Variants in TSHZ2 observed in about 807,000 individuals in gnomAD.
The protein encoded by TSHZ2 is teashirt homolog 2.
In TSHZ2, 21 loss-of-function variants were observed where a neutral mutation model predicts 74.4. The ratio of observed to expected loss-of-function variants is 0.28; its 90% CI spans 0.20 to 0.41. The LOEUF is 0.41. Ranked by LOEUF, TSHZ2 falls within the 10% of genes least tolerant of loss-of-function variation. The pLI is 1.00. For missense variants in TSHZ2, 1,244 were observed against 1,293.5 expected (o/e 0.96, Z 0.59); for synonymous variants, 540 against 515.3 (o/e 1.05, Z -0.65).
intron 1 of TSHZ2, among the ~76,000 whole-genome samples, chr20:53,075,631 C>G (rs1985342440): frequency 6.6e-6 from 1 of 152,146 alleles, no homozygotes; most frequent in African/African-American, 2.4e-5. Context: ...GGCAGCAGGA[C>G]AGGTGAGAAC....
chr20:53,351,600 C>A (rs888455463), intron 2 of TSHZ2, among the ~76,000 whole-genome samples: 1 of 152,122 alleles, frequency 6.6e-6, no homozygotes, highest in African/African-American at 2.4e-5. Flanking sequence ...TAAAAATGGC[C>A]TCTGAGATTC....
intron 1 of TSHZ2, among the ~76,000 whole-genome samples, chr20:53,067,926 C>T (rs914872561): frequency 3.3e-5 from 5 of 152,170 alleles, no homozygotes; most frequent in African/African-American, 1.2e-4. Context: ...GAGGACCCTT[C>T]CTTGCCTCTT....
intron 1 of TSHZ2, among the ~76,000 whole-genome samples, chr20:53,107,756 A>G (rs1986420618): frequency 6.6e-6 from 1 of 152,190 alleles, no homozygotes; most frequent in Non-Finnish European, 1.5e-5. Flanking sequence ...TTCCATGTGC[A>G]GAAGTATTAA....
chr20:53,030,409 A>G (rs1315984498), intron 1 of TSHZ2, among the ~76,000 whole-genome samples: 1 of 151,926 alleles, frequency 6.6e-6, no homozygotes, highest in African/African-American at 2.4e-5. Flanking sequence ...TCACAGTTTC[A>G]TCTTTCAAAA....
intron 2 of TSHZ2, among the ~76,000 whole-genome samples, chr20:53,465,288 T>A (rs903430200): frequency 1.7e-4 from 26 of 151,940 alleles, no homozygotes; most frequent in Non-Finnish European, 2.2e-4. Context: ...TGTGTGTGTG[T>A]GAGACAGAGT....
chr20:53,324,628 A>C (rs1050801668), intron 2 of TSHZ2, among the ~76,000 whole-genome samples: 6 of 152,120 alleles, frequency 3.9e-5, no homozygotes, highest in Non-Finnish European at 2.9e-5. Context: ...CACCCACCTC[A>C]GCCTCCCAAA....
In TSHZ2 at chr20:52,973,077, C is replaced by G. The variant is rs1019471405; in HGVS notation, c.-217C>G. The stretch of plus-strand genomic sequence containing the variant: ...GAACCAACCTCTACTTCAAAGCAGC[C>G]GGCACAAGCCACCCGTGTCTGCCAC... On this transcript the variant is annotated 5_prime_UTR_variant, in exon 1 of 3. Transcript: ENST00000371497. 3.8e-4 allele frequency: 199 copies of G among 520,488 alleles called. No individual in the cohort carries two copies. Among genetic ancestry groups the G allele is most frequent in the Non-Finnish European group, 8.5e-5 (25 of 293,802 alleles). 32.2% of individuals were successfully genotyped at this position (520,488 alleles called of 1,614,324 possible).
intron 1 of TSHZ2, among the ~76,000 whole-genome samples, chr20:53,048,706 G>C (rs566153160): frequency 6.6e-6 from 1 of 152,124 alleles, no homozygotes; most frequent in Non-Finnish European, 1.5e-5. Context: ...AGGCTCTTTG[G>C]AAACAGTCAG....
chr20:53,234,252 C>T (rs913648512), intron 1 of TSHZ2, among the ~76,000 whole-genome samples: 1 of 152,136 alleles, frequency 6.6e-6, no homozygotes, highest in African/African-American at 2.4e-5. Context: ...ACAGCCAACC[C>T]AGAAAAATTC....
intron 2 of TSHZ2, among the ~76,000 whole-genome samples, chr20:53,460,859 CG>C (rs1462848693): frequency 6.6e-6 from 1 of 152,196 alleles, no homozygotes; most frequent in East Asian, 1.9e-4. Context: ...TTAGGCTGCT[CG>C]GGGGTCAGGG....
At chr20:53,038,865 TTTTTGTTTGTTTGTTTTG>T (rs1487614374) in intron 1 of TSHZ2, among the ~76,000 whole-genome samples, 1 of 134,380 alleles carries the variant, frequency 7.4e-6, no homozygotes, top group Admixed American at 7.4e-5. Flanking sequence ...TCTTGTTTTT[TTTTTGTTTGTTTGTTTTG>T]TTTTGTTTGT....
intron 2 of TSHZ2, among the ~76,000 whole-genome samples, chr20:53,310,916 A>C (rs1248278821): frequency 6.6e-6 from 1 of 152,186 alleles, no homozygotes; most frequent in Non-Finnish European, 1.5e-5. Flanking sequence ...CACAAGAAAA[A>C]CATGCACATC....
intron 2 of TSHZ2, among the ~76,000 whole-genome samples, chr20:53,479,715 A>C (rs961331377): frequency 6.6e-6 from 1 of 152,230 alleles, no homozygotes; most frequent in Non-Finnish European, 1.5e-5. Flanking sequence ...ACCAAAGACA[A>C]TTTTGTCCTC....
chr20:53,461,303 C>G (rs886324328), intron 2 of TSHZ2, among the ~76,000 whole-genome samples: 3 of 152,246 alleles, frequency 2.0e-5, no homozygotes, highest in Non-Finnish European at 4.4e-5. Context: ...GACCCGATTT[C>G]CAGGTGCGTC....
chr20:53,009,012 T>G (rs1185256119), intron 1 of TSHZ2, among the ~76,000 whole-genome samples: 1 of 139,280 alleles, frequency 7.2e-6, no homozygotes. Flanking sequence ...TCTCTCTCTC[T>G]CTCTCTCTCT....
At chr20:53,424,187 T>C (rs1422894170) in intron 2 of TSHZ2, among the ~76,000 whole-genome samples, 1 of 152,230 alleles carries the variant, frequency 6.6e-6, no homozygotes, top group African/African-American at 2.4e-5. Flanking sequence ...AGGTTATGTG[T>C]AGGATGTTTG....
chr20:53,336,605 C>T (rs1420087491), intron 2 of TSHZ2, among the ~76,000 whole-genome samples: 1 of 152,152 alleles, frequency 6.6e-6, no homozygotes, highest in Non-Finnish European at 1.5e-5. Context: ...CATGTTCTTT[C>T]CACCTCTTTC....
chr20:53,273,111 T>C (rs372338006), intron 2 of TSHZ2, among the ~76,000 whole-genome samples: 1 of 152,202 alleles, frequency 6.6e-6, no homozygotes, highest in South Asian at 2.1e-4. Context: ...GGGCATCCAG[T>C]GGTGGGACAT....
intron 1 of TSHZ2, among the ~76,000 whole-genome samples, chr20:53,087,509 A>G (rs1471455809): frequency 1.3e-5 from 2 of 152,218 alleles, no homozygotes; most frequent in African/African-American, 4.8e-5. Flanking sequence ...TTGAAAGACC[A>G]TGGACCAAAG....
Sources: allele counts gnomAD v4.1 joint callset (sites outside exome capture counted in the v4.1 genomes callset), GRCh38; gene constraint gnomAD v4.1.1; transcripts MANE v1.5; gene names NCBI Gene and HGNC (gene_info 2026-07-23, HGNC 2026-07-21).